KIDINS220: variants seen among roughly 807,000 people sequenced by gnomAD.
KIDINS220 encodes kinase D interacting substrate 220.
KIDINS220 carries 63 observed loss-of-function variants against 157.6 expected under a neutral mutation model. The ratio of observed to expected loss-of-function variants is 0.40; its 90% CI spans 0.33 to 0.49. The LOEUF (loss-of-function observed/expected upper bound fraction) is 0.49. Among genes scored for constraint, KIDINS220 ranks in the 20% least tolerant of loss-of-function variants. The pLI is 0.66. For missense variants in KIDINS220, 1,772 were observed against 2,171.2 expected (o/e 0.82, Z 3.65); for synonymous variants, 732 against 783.6 (o/e 0.93, Z 1.10).
intron 11 of KIDINS220, among the ~76,000 whole-genome samples, chr2:8,795,509 CTA>C (rs1236647585): frequency 6.6e-6 from 1 of 152,170 alleles, no homozygotes. Context: ...ATGAAATTCT[CTA>C]TGAAGATCCA....
intron 26 of KIDINS220, among the ~76,000 whole-genome samples, chr2:8,745,477 AC>A (rs1666414053): frequency 6.6e-6 from 1 of 152,148 alleles, no homozygotes; most frequent in African/African-American, 2.4e-5. Flanking sequence ...TCTCCTATTA[AC>A]ATTAACTCAA....
At chr2:8,784,339 T>C (rs1222708434) in intron 17 of KIDINS220, among the ~76,000 whole-genome samples, 1 of 151,830 alleles carries the variant, frequency 6.6e-6, no homozygotes, top group African/African-American at 2.4e-5. Context: ...GAGGATAAAA[T>C]CTAGGTGACC....
At chr2:8,744,836 CGTT>C (rs1458565439) in intron 26 of KIDINS220, among the ~76,000 whole-genome samples, 2 of 152,044 alleles carry the variant, frequency 1.3e-5, no homozygotes, top group East Asian at 1.9e-4. Context: ...ATTCTATTGT[CGTT>C]GTTAATTTCT....
At chr2:8,803,206 C>G in intron 7 of KIDINS220, 79 bp from the exon 8 acceptor site, 2 of 1,194,956 alleles carry the variant, frequency 1.7e-6, no homozygotes, top group Non-Finnish European at 2.3e-6. Flanking sequence ...ATGATTTATG[C>G]CATAATCATA....
chr2:8,729,629 AT>A lies in KIDINS220; in HGVS notation c.*1090del, dbSNP rs954411910. ...CCCTTGCTTTGTTACATGTTTCCAA[AT>A]TTTTTTTTAAAAAGTATTTCCTTTC... On this transcript the variant is annotated 3_prime_UTR_variant, in exon 30 of 30. Coordinates refer to ENST00000256707, the MANE Select transcript of KIDINS220 (RefSeq NM_020738.4). 4 of 977,694 alleles carry A rather than the reference AT, an allele frequency of 4.1e-6. No individual in the cohort carries two copies. Among genetic ancestry groups the A allele is most frequent in the Admixed American group, 6.2e-5 (1 of 16,192 alleles). 60.6% of individuals were successfully genotyped at this position (977,694 alleles called of 1,614,324 possible). A position where few individuals can be genotyped will look rare whatever the true frequency, so the allele number is the denominator to read the frequency against.
intron 2 of KIDINS220, among the ~76,000 whole-genome samples, chr2:8,821,256 A>C (rs1458423940): frequency 2.6e-5 from 4 of 152,058 alleles, no homozygotes; most frequent in Admixed American, 2.6e-4. Flanking sequence ...AAAGATTAGA[A>C]TTGTCATTAT....
intron 6 of KIDINS220, among the ~76,000 whole-genome samples, chr2:8,811,017 G>T (rs1238791342): frequency 3.3e-5 from 5 of 152,156 alleles, no homozygotes; most frequent in African/African-American, 9.7e-5. Flanking sequence ...AATTTTCACT[G>T]TACTACTTGA....
chr2:8,726,714 C>G (rs13024421), downstream of KIDINS220, among the ~76,000 whole-genome samples: 45,340 of 152,032 alleles, frequency 0.3, 6,964 homozygotes, highest in Middle Eastern at 0.35. Context: ...GTACTGAATA[C>G]TGCAGGCAAC....
Position 8,731,620 on chromosome 2 carries a change from G to T in KIDINS220, c.4416C>A (p.Pro1472=), listed in dbSNP as rs541446973. Residue 1472 remains proline, a synonymous_variant, in exon 30 of 30, where the codon CCC becomes CCA. Coordinates refer to ENST00000256707, the MANE Select transcript of KIDINS220 (RefSeq NM_020738.4). This position sits in a 1 kb window ranked among gnomAD's most constrained non-coding sequence, Gnocchi z 5.2. Reference sequence around the variant, plus strand: ...CATCTTCTTCAGTGATAGGATCCAGGGGGGAAGCATCGTTGGTGGAAACCC... The same window carrying T: ...CATCTTCTTCAGTGATAGGATCCAGTGGGGAAGCATCGTTGGTGGAAACCC... ...SSGVSTNDAS[P]LDPITEEDEK... is the part of the protein sequence containing the mutation. The T allele has an allele frequency of 6.2e-7, 1 of 1,614,142 alleles. No homozygotes were observed. Among genetic ancestry groups the T allele is most frequent in the South Asian group, 1.1e-5 (1 of 91,080 alleles).
chr2:8,779,917 G>T, intron 17 of KIDINS220, 103 bp from the exon 18 acceptor site: 2 of 1,200,430 alleles, frequency 1.7e-6, no homozygotes, highest in Non-Finnish European at 2.3e-6. Context: ...AGGAACAGAA[G>T]ACATTCAAAG....
intron 1 of KIDINS220, among the ~76,000 whole-genome samples, chr2:8,832,648 G>A (rs1679817946): frequency 6.6e-6 from 1 of 152,060 alleles, no homozygotes; most frequent in South Asian, 2.1e-4. Context: ...GTGCTATATT[G>A]TTTTACTTGA....
intron 4 of KIDINS220, 152 bp from the exon 5 acceptor site, chr2:8,813,487 A>G: frequency 1.8e-6 from 1 of 554,378 alleles, no homozygotes; most frequent in South Asian, 3.0e-5. Context: ...AGGCTCCCCA[A>G]ATACAATAGT....
At chr2:8,790,436 A>G (rs1368563446) in intron 13 of KIDINS220, among the ~76,000 whole-genome samples, 5 of 152,158 alleles carry the variant, frequency 3.3e-5, no homozygotes, top group East Asian at 1.9e-4. Context: ...ACTATACCCT[A>G]TATCTTCAAA....
intron 1 of KIDINS220, among the ~76,000 whole-genome samples, chr2:8,833,906 C>A (rs1006297539): frequency 3.3e-5 from 5 of 152,170 alleles, no homozygotes; most frequent in Admixed American, 6.5e-5. Flanking sequence ...AAAGGCCAAT[C>A]GGTTAATAGA....
At chr2:8,742,523 A>G (rs1300638953) in intron 26 of KIDINS220, among the ~76,000 whole-genome samples, 1 of 152,222 alleles carries the variant, frequency 6.6e-6, no homozygotes, top group Non-Finnish European at 1.5e-5. Context: ...GTAACAGCAC[A>G]CTGGAGCTGT....
downstream of KIDINS220, chr2:8,725,659 G>C (rs746386246): frequency 6.6e-6 from 1 of 152,166 alleles, no homozygotes; most frequent in Admixed American, 6.5e-5. Flanking sequence ...GATCTACAGC[G>C]CCTGTTGCCT....
intron 10 of KIDINS220, among the ~76,000 whole-genome samples, chr2:8,797,165 C>A (rs150469454): frequency 1.3e-4 from 20 of 152,302 alleles, no homozygotes; most frequent in Middle Eastern, 6.8e-3. Context: ...TGACCTGGGG[C>A]AGCTCCCCTC....
intron 26 of KIDINS220, among the ~76,000 whole-genome samples, chr2:8,744,372 AAAAAAAAAAAAAAAAAATATATATATAT>A (rs1456004072): frequency 0.032 from 77 of 2,370 alleles, 1 homozygote; most frequent in South Asian, 0.1. Context: ...GCAAAAAAAA[AAAAAAAAAAAAAAAAAATATATATATAT>A]AATATATATA....
intron 20 of KIDINS220, among the ~76,000 whole-genome samples, chr2:8,778,298 C>T (rs1671242017): frequency 6.6e-6 from 1 of 152,146 alleles, no homozygotes; most frequent in South Asian, 2.1e-4. Context: ...ACCTTTCTCC[C>T]CTACTGCTAT....
Sources: allele counts gnomAD v4.1 joint callset (sites outside exome capture counted in the v4.1 genomes callset), GRCh38; gene constraint gnomAD v4.1.1; non-coding constraint Gnocchi (gnomAD v3.1); transcripts MANE v1.5; gene names NCBI Gene and HGNC (gene_info 2026-07-23, HGNC 2026-07-21).